TECPR1: variants seen among roughly 807,000 people sequenced by gnomAD.
The protein encoded by TECPR1 is tectonin beta-propeller repeat-containing protein 1.
Under a neutral mutation model 162.4 loss-of-function variants are expected in TECPR1, and 122 were observed. That is an observed-to-expected ratio of 0.75 (90% CI 0.65 to 0.87). The LOEUF (loss-of-function observed/expected upper bound fraction) is 0.87. Ranked by LOEUF, TECPR1 falls within the 40% of genes least tolerant of loss-of-function variation. The probability of loss-of-function intolerance (pLI) is 0.00; values close to 1 mark genes in which losing one functional copy is unlikely to be tolerated. For missense variants in TECPR1, 1,432 were observed against 1,618.2 expected (o/e 0.88, Z 1.97); for synonymous variants, 642 against 670.6 (o/e 0.96, Z 0.66).
At chr7:98,219,116 C>T (rs2116525542) in intron 23 of TECPR1, among the ~76,000 whole-genome samples, 1 of 152,156 alleles carries the variant, frequency 6.6e-6, no homozygotes, top group South Asian at 2.1e-4. Context: ...TTTGAGAAAG[C>T]ATACAAAAGC....
At position 98,229,016 on chromosome 7, in the gene TECPR1, G is replaced by A. The variant is rs748583498; in HGVS notation, c.2410+23C>T. 8 of 1,596,468 alleles carry A rather than the reference G, an allele frequency of 5.0e-6. No individual in the cohort carries two copies. The African/African-American group carries it at 9.4e-5, about 19-fold the overall frequency. On this transcript the variant is annotated intron_variant, in intron 16 of 25. Transcript: ENST00000447648. ...GGAAAGAACGCCCAGGAAGGCTCCGGGGGGGCTGTGGGCCGCCCTCACCTT... is the reference window on the plus strand; with the variant it reads ...GGAAAGAACGCCCAGGAAGGCTCCGAGGGGGCTGTGGGCCGCCCTCACCTT...
rs1486188338 is a variant in TECPR1 at position 98,232,787 on chromosome 7, A to G, written c.1818+40T>C. ...AGGCGCTCAATGAATGATTGCTGGAAAAAAAAAAAAAATGCATGCGCAGCC... is the reference window on the plus strand; with the variant it reads ...AGGCGCTCAATGAATGATTGCTGGAGAAAAAAAAAAAATGCATGCGCAGCC... On this transcript the variant is annotated intron_variant, in intron 12 of 25. Coordinates refer to ENST00000447648, the MANE Select transcript of TECPR1 (RefSeq NM_015395.3). The surrounding 1 kb of genome is among the most constrained non-coding windows in gnomAD (Gnocchi z 4.6). The G allele has an allele frequency of 9.8e-7, 1 of 1,023,694 alleles. No individual in the cohort carries two copies. Among genetic ancestry groups the G allele is most frequent in the African/African-American group, 1.8e-5 (1 of 56,830 alleles). The allele number at this position is 1,023,694 out of a possible 1,614,324, so 63.4% of individuals were successfully genotyped here. A position where few individuals can be genotyped will look rare whatever the true frequency, so the allele number is the denominator to read the frequency against.
chr7:98,231,731 TCTGTACCCCTCCTCTAGCACCCCAGCC>T, intron 13 of TECPR1, 46 bp downstream of exon 13: 1 of 1,545,624 alleles, frequency 6.5e-7, no homozygotes, highest in Non-Finnish European at 8.8e-7. Flanking sequence ...CACCCCCATT[TCTGTACCCCTCCTCTAGCACCCCAGCC>T]CTGTGTCCCC....
At chr7:98,243,969 G>T (rs1191729396) in intron 5 of TECPR1, among the ~76,000 whole-genome samples, 2 of 152,146 alleles carry the variant, frequency 1.3e-5, no homozygotes, top group Admixed American at 1.3e-4. Flanking sequence ...AGGCTGAGGT[G>T]GGAGGATTGC....
intron 15 of TECPR1, 66 bp downstream of exon 15, chr7:98,230,895 C>G: frequency 6.4e-7 from 1 of 1,552,754 alleles, no homozygotes; most frequent in Non-Finnish European, 8.7e-7. Context: ...CTGGATCCCC[C>G]TTCTGTAACC....
In TECPR1 at chr7:98,236,188, G is replaced by A. The variant is rs553646511; in HGVS notation, c.1181+588C>T. ...GCTTGTCCATGCTCTTTAGACCCAC[G>A]GACCACCAGGTGCAGCCCCAAAACT... On this transcript the variant is annotated intron_variant, in intron 10 of 25. Transcript: ENST00000447648. Among the ~76,000 whole-genome samples the A allele has an allele frequency of 1.9e-4, 29 of 152,260 alleles. 3 individuals are homozygous for A. In the East Asian group the frequency reaches 5.0e-3, roughly 26 times the overall value.
At chr7:98,222,653 C>A in intron 21 of TECPR1, 132 bp from the exon 22 acceptor site, 2 of 1,104,238 alleles carry the variant, frequency 1.8e-6, no homozygotes, top group East Asian at 2.6e-5. Flanking sequence ...AGTCACACAG[C>A]CCCACCCGGC....
intron 17 of TECPR1, among the ~76,000 whole-genome samples, chr7:98,225,582 G>A (rs1041659519): frequency 1.7e-4 from 26 of 151,670 alleles, no homozygotes; most frequent in South Asian, 4.2e-4. Context: ...TTTGGACACA[G>A]ACACATGCAT....
chr7:98,240,822 G>A, intron 8 of TECPR1, 29 bp downstream of exon 8: 1 of 1,559,420 alleles, frequency 6.4e-7, no homozygotes, highest in Non-Finnish European at 8.7e-7. Context: ...CTGGGCTCAA[G>A]TGATCCCCCA....
At chr7:98,236,274 A>G (rs1381058118) in intron 10 of TECPR1, among the ~76,000 whole-genome samples, 2 of 152,092 alleles carry the variant, frequency 1.3e-5, no homozygotes, top group Non-Finnish European at 2.9e-5. Context: ...TCGGGGTAAG[A>G]CCCGGAGATC....
chr7:98,228,483 C>G (rs374763535), intron 16 of TECPR1: 40 of 263,550 alleles, frequency 1.5e-4, no homozygotes, highest in African/African-American at 6.0e-4. Context: ...ATCAACGTAA[C>G]CTCCGTGAGC....
At position 98,217,399 on chromosome 7, in the gene TECPR1, G is replaced by A; in HGVS notation, c.3489C>T (p.Val1163=). The part of the protein sequence containing the change: ...PSAPPEAHGP[V]CC ...GGTGTGTGGGGGGGCCTCAGCAGCA[G>A]ACGGGGCCATGGGCCTCTGGTGGGG... The change falls in exon 26 of 26, where the codon GTC becomes GTT. Residue 1163 remains valine, a synonymous_variant. Coordinates refer to ENST00000447648, the MANE Select transcript of TECPR1 (RefSeq NM_015395.3). 6.3e-7 allele frequency: 1 copy of A among 1,588,584 alleles called. No homozygotes were observed. The highest frequency in any genetic ancestry group is 8.6e-7 in the Non-Finnish European group (1 of 1,167,484).
chr7:98,249,825 G>A (rs577506144), intron 2 of TECPR1, among the ~76,000 whole-genome samples: 2 of 152,034 alleles, frequency 1.3e-5, no homozygotes, highest in African/African-American at 4.8e-5. Flanking sequence ...GGCTGAGGCA[G>A]GAGAATCGCT....
chr7:98,229,254 T>C, intron 15 of TECPR1, 88 bp from the exon 16 acceptor site: 2 of 1,484,774 alleles, frequency 1.3e-6, no homozygotes, highest in South Asian at 1.3e-5. Context: ...TGTCCTCCTG[T>C]GGTTCTGGGA....
Position 98,245,873 on chromosome 7 carries a change from A to T in TECPR1, c.225+49T>A, listed in dbSNP as rs201427409. On this transcript the variant is annotated intron_variant, in intron 3 of 25. Transcript: ENST00000447648. ...TCTGTGGTTCATCATTTTAACCAAT[A>T]ACCCAGCGAACTGACCCGCTCGGCA... The T allele has an allele frequency of 2.2e-5, 33 of 1,507,116 alleles. 1 individual carries two copies. The highest frequency in any genetic ancestry group is 2.9e-5 in the Non-Finnish European group (32 of 1,108,010). The allele number at this position is 1,507,116 out of a possible 1,614,324, so 93.4% of individuals were successfully genotyped here.
Position 98,217,757 on chromosome 7 carries a change from C to T in TECPR1, c.3319G>A (p.Val1107Met). ...QGSHSLSRGT[V>M]CHRTGVQPHE... ...GGCTGCACGCCGGTGCGATGACACA[C>T]TGTCCCCCGGCTCAGGCTGTGGCTG... The change falls in exon 25 of 26, where the codon GTG becomes ATG. Residue 1107 changes from valine to methionine, a missense_variant. By Grantham distance (21) the Val-to-Met change is conservative. Coordinates refer to ENST00000447648, the MANE Select transcript of TECPR1 (RefSeq NM_015395.3). 6.4e-7 allele frequency: 1 copy of T among 1,550,906 alleles called. No homozygotes were observed. The highest frequency in any genetic ancestry group is 8.7e-7 in the Non-Finnish European group (1 of 1,147,106).
At position 98,216,609 on chromosome 7, in the gene TECPR1, T is replaced by A. The variant is rs1465383736; in HGVS notation, c.*781A>T. The A allele has an allele frequency of 7.0e-6, 1 of 142,246 alleles. No individual in the cohort carries two copies. The highest frequency in any genetic ancestry group is 1.5e-5 in the Non-Finnish European group (1 of 66,566). 8.8% of individuals were successfully genotyped at this position (142,246 alleles called of 1,614,324 possible). On this transcript the variant is annotated 3_prime_UTR_variant, in exon 26 of 26. Transcript: ENST00000447648. ...GGAGTCTCTGTCGCCCAGGCTGGAG[T>A]GCAGTGGCATGATCTCGGCTCACTG...
At chr7:98,230,843 C>A in intron 15 of TECPR1, 118 bp downstream of exon 15, 1 of 1,353,124 alleles carries the variant, frequency 7.4e-7, no homozygotes, top group South Asian at 1.5e-5. Flanking sequence ...CGTGCCTCTG[C>A]CTGGTCAGCG....
Position 98,241,377 on chromosome 7 carries a change from G to T in TECPR1, c.658-133C>A. On this transcript the variant is annotated intron_variant, in intron 6 of 25. Coordinates refer to ENST00000447648, the MANE Select transcript of TECPR1 (RefSeq NM_015395.3). The surrounding 1 kb of genome is among the most constrained non-coding windows in gnomAD (Gnocchi z 5.0). Reference sequence around the variant, plus strand: ...GATCTCACTCCCTGCCCCCTACCCCGGCCAAAAAACGCAAACCCTGGATTC... The same window carrying T: ...GATCTCACTCCCTGCCCCCTACCCCTGCCAAAAAACGCAAACCCTGGATTC... 1 of 1,144,818 alleles carries T rather than the reference G, an allele frequency of 8.7e-7. No individual in the cohort carries two copies. The highest frequency in any genetic ancestry group is 1.2e-6 in the Non-Finnish European group (1 of 811,806). 70.9% of individuals were successfully genotyped at this position (1,144,818 alleles called of 1,614,324 possible). A position where few individuals can be genotyped will look rare whatever the true frequency, so the allele number is the denominator to read the frequency against.
Sources: allele counts gnomAD v4.1 joint callset (sites outside exome capture counted in the v4.1 genomes callset), GRCh38; gene constraint gnomAD v4.1.1; non-coding constraint Gnocchi (gnomAD v3.1); transcripts MANE v1.5; gene names NCBI Gene and HGNC (gene_info 2026-07-23, HGNC 2026-07-21).